The following MSS51 variants were observed in gnomAD, a reference collection of about 807,000 sequenced individuals.
MSS51 encodes MSS51 mitochondrial translational activator, also known as putative protein MSS51 homolog, mitochondrial.
A neutral mutation model predicts 40.2 loss-of-function variants in MSS51; 32 were observed. The ratio of observed to expected loss-of-function variants is 0.80; its 90% CI spans 0.60 to 1.07. The LOEUF is 1.07. Among genes scored for constraint, MSS51 ranks in the 50% least tolerant of loss-of-function variants. The pLI, the probability that MSS51 is intolerant of heterozygous loss-of-function variation, is 0.00. For missense variants in MSS51, 518 were observed against 568.9 expected (o/e 0.91, Z 0.91); for synonymous variants, 178 against 214.2 (o/e 0.83, Z 1.48).
chr10:73,425,332 A>G, intron 5 of MSS51, 141 bp from the exon 6 acceptor site: 1 of 621,984 alleles, frequency 1.6e-6, no homozygotes, highest in Non-Finnish European at 2.8e-6. Context: ...CCACTCTTCA[A>G]TGAAAAATTC....
At chr10:73,430,863 A>C (rs2056023806) in intron 1 of MSS51, among the ~76,000 whole-genome samples, 1 of 152,244 alleles carries the variant, frequency 6.6e-6, no homozygotes, top group Non-Finnish European at 1.5e-5. Flanking sequence ...AGGTAGAAAC[A>C]ACCCAAAGGT....
Position 73,424,143 on chromosome 10 carries a change from C to T in MSS51, c.*410G>A, listed in dbSNP as rs141081035. On this transcript the variant is annotated 3_prime_UTR_variant, in exon 7 of 7. Coordinates refer to ENST00000299432, the MANE Select transcript of MSS51 (RefSeq NM_001024593.2). ...CCTGTAATCCCAGAACTTTGGGAGG[C>T]TGAGGCAGGCAGATCACCTGGGGTC... is the stretch of plus-strand genomic sequence containing the variant. The T allele has an allele frequency of 0.041, 7,270 of 176,186 alleles. 514 individuals carry two copies. Among genetic ancestry groups the T allele is most frequent in the African/African-American group, 0.15 (6,447 of 41,948 alleles). The allele number at this position is 176,186 out of a possible 1,614,324, so 10.9% of individuals were successfully genotyped here.
intron 1 of MSS51, among the ~76,000 whole-genome samples, chr10:73,431,298 G>T (rs554971174): frequency 2.2e-4 from 33 of 152,160 alleles, no homozygotes; most frequent in African/African-American, 7.0e-4. Context: ...TTTTCACTTC[G>T]ATTAAAAAAG....
At chr10:73,431,182 T>TA (rs2056026556) in intron 1 of MSS51, among the ~76,000 whole-genome samples, 1 of 152,278 alleles carries the variant, frequency 6.6e-6, no homozygotes, top group African/African-American at 2.4e-5. Context: ...TTTGGGGTGA[T>TA]AAAAATGTTT....
In MSS51 at chr10:73,427,727, A is replaced by G. The variant is rs1397981178; in HGVS notation, c.263T>C (p.Phe88Ser). Residue 88 changes from phenylalanine (F) to serine (S), a missense_variant, in exon 3 of 7, where the codon TTT becomes TCT. Coordinates refer to ENST00000299432, the MANE Select transcript of MSS51 (RefSeq NM_001024593.2). ...DGGTPVSGFGFRCPQEMFQRM... is the reference protein window; with the variant it reads ...DGGTPVSGFGSRCPQEMFQRM... ...CTGGAACATTTCTTGAGGACATCGAAATCCAAAGCCTGATACGGGGGTACC... is the reference window on the plus strand; with the variant it reads ...CTGGAACATTTCTTGAGGACATCGAGATCCAAAGCCTGATACGGGGGTACC... 1 of 1,614,166 alleles carries G rather than the reference A, an allele frequency of 6.2e-7. No homozygotes were observed. The highest frequency in any genetic ancestry group is 1.7e-5 in the Admixed American group (1 of 60,022).
chr10:73,433,483 G>C (rs1046659754), intron 1 of MSS51, 30 bp downstream of exon 1: 2 of 152,078 alleles, frequency 1.3e-5, no homozygotes, highest in African/African-American at 4.8e-5. Context: ...AACTAAGCAA[G>C]CAGACAGGTT....
chr10:73,432,825 C>T (rs2056037632), intron 1 of MSS51, among the ~76,000 whole-genome samples: 1 of 152,172 alleles, frequency 6.6e-6, no homozygotes, highest in Non-Finnish European at 1.5e-5. Context: ...GGCCCAGACA[C>T]AGCTTCCCTG....
intron 1 of MSS51, among the ~76,000 whole-genome samples, chr10:73,431,327 A>C (rs955975687): frequency 2.0e-5 from 3 of 152,220 alleles, no homozygotes; most frequent in Admixed American, 6.5e-5. Flanking sequence ...GAAGGTATTC[A>C]TAGAGATTGA....
chr10:73,427,820 A>G (rs769681221), intron 2 of MSS51, 52 bp from the exon 3 acceptor site: 4 of 1,586,066 alleles, frequency 2.5e-6, no homozygotes, highest in Non-Finnish European at 3.4e-6. Flanking sequence ...AATATCTCCA[A>G]AATCTCTCAT....
At chr10:73,432,063 G>C (rs1045205214) in intron 1 of MSS51, among the ~76,000 whole-genome samples, 1 of 152,074 alleles carries the variant, frequency 6.6e-6, no homozygotes, top group Admixed American at 6.6e-5. Context: ...CTTTGAGACA[G>C]AGTCTCACTC....
At chr10:73,429,084 T>TA (rs916018922) in intron 1 of MSS51, among the ~76,000 whole-genome samples, 56 of 152,118 alleles carry the variant, frequency 3.7e-4, no homozygotes, top group African/African-American at 1.3e-3. Flanking sequence ...TGGGTGCCTA[T>TA]AATCCCAGCT....
At position 73,424,629 on chromosome 10, in the gene MSS51, T is replaced by A. The variant is rs145965573; in HGVS notation, c.1307A>T (p.Tyr436Phe). The A allele has an allele frequency of 6.8e-6, 11 of 1,614,012 alleles. No individual in the cohort carries two copies. The highest frequency in any genetic ancestry group is 6.7e-5 in the Admixed American group (4 of 59,996). The change falls in exon 7 of 7, where the codon TAC becomes TTC. Residue 436 changes from tyrosine to phenylalanine, a missense_variant. Tyr to Phe is a conservative substitution (Grantham distance 22, BLOSUM62 3). Coordinates refer to ENST00000299432, the MANE Select transcript of MSS51 (RefSeq NM_001024593.2). The stretch of plus-strand genomic sequence containing the variant: ...GGAGCTTCCAAGAAACATGATATAG[T>A]ATGCACTGCAGTATACTGGCTGCTT... ...PNKQPVYCSA[Y>F]YIMFLGSSCQ...
chr10:73,432,351 T>A (rs1419638018), intron 1 of MSS51, among the ~76,000 whole-genome samples: 2 of 152,080 alleles, frequency 1.3e-5, no homozygotes, highest in East Asian at 3.8e-4. Flanking sequence ...CACCACTTTC[T>A]TAAACCTTGA....
chr10:73,431,002 T>C (rs188657587), intron 1 of MSS51, among the ~76,000 whole-genome samples: 2 of 152,290 alleles, frequency 1.3e-5, no homozygotes, highest in African/African-American at 2.4e-5. Context: ...AAAAACATTA[T>C]ACTAAGTGAA....
intron 3 of MSS51, 151 bp downstream of exon 3, chr10:73,427,462 G>C (rs997357656): frequency 1.1e-5 from 8 of 708,512 alleles, no homozygotes; most frequent in Non-Finnish European, 1.9e-5. Context: ...ATTTTTAGTA[G>C]AGACAGGGTT....
chr10:73,428,113 A>G lies in MSS51; in HGVS notation c.172T>C (p.Ser58Pro). 1 of 1,614,138 alleles carries G rather than the reference A, an allele frequency of 6.2e-7. No homozygotes were observed. Among genetic ancestry groups the G allele is most frequent in the Non-Finnish European group, 8.5e-7 (1 of 1,180,032 alleles). Residue 58 changes from serine to proline, a missense_variant, in exon 2 of 7, where the codon TCG becomes CCG. Coordinates refer to ENST00000299432, the MANE Select transcript of MSS51 (RefSeq NM_001024593.2). ...FSLDDNVPGL[S>P]QLILQKLNMK... ...TTCAGCTTTTGAAGGATCAGCTGCG[A>G]TAGGCCAGGAACATTATCATCCAAG...
intron 5 of MSS51, among the ~76,000 whole-genome samples, 163 bp downstream of exon 5, chr10:73,425,648 C>T (rs1213206942): frequency 1.5e-5 from 2 of 136,516 alleles, no homozygotes; most frequent in Non-Finnish European, 3.0e-5. Context: ...GGCGACAGAG[C>T]GAGACTCCGT....
At chr10:73,432,329 G>A (rs777354918) in intron 1 of MSS51, among the ~76,000 whole-genome samples, 24 of 151,906 alleles carry the variant, frequency 1.6e-4, no homozygotes, top group Non-Finnish European at 2.9e-4. Flanking sequence ...GAGCCACGGC[G>A]CCCGGCCAAG....
At chr10:73,427,921 AG>A in intron 2 of MSS51, 142 bp downstream of exon 2, 1 of 1,180,884 alleles carries the variant, frequency 8.5e-7, no homozygotes, top group Non-Finnish European at 1.2e-6. Context: ...CTTCTTTTAT[AG>A]TAATATAGTA....
Sources: gnomAD v4.1 joint callset for allele counts (sites outside exome capture counted in the v4.1 genomes callset) on GRCh38, gnomAD v4.1.1 for gene constraint, MANE v1.5 for transcripts, NCBI Gene and HGNC (gene_info 2026-07-23, HGNC 2026-07-21) for gene names.